The following KHDRBS3 variants were observed in gnomAD, a reference collection of about 807,000 sequenced individuals.
The protein encoded by KHDRBS3 is KH domain-containing, RNA-binding, signal transduction-associated protein 3.
Under a neutral mutation model 45.6 loss-of-function variants are expected in KHDRBS3, and 23 were observed. That is an observed-to-expected ratio of 0.50 (90% CI 0.36 to 0.72). KHDRBS3 has a LOEUF of 0.72. KHDRBS3 is among the 30% of genes least tolerant of loss of function. KHDRBS3 has a pLI of 0.00. For synonymous variants in KHDRBS3, 162 were observed against 156.5 expected (o/e 1.04, Z -0.26); for missense variants, 352 against 424.8 (o/e 0.83, Z 1.51).
intron 6 of KHDRBS3, among the ~76,000 whole-genome samples, chr8:135,602,407 T>C (rs1829257326): frequency 1.3e-5 from 2 of 152,154 alleles, no homozygotes; most frequent in Non-Finnish European, 2.9e-5. Flanking sequence ...AATTGCAAAT[T>C]TAATCTCTTA....
At position 135,480,871 on chromosome 8, in the gene KHDRBS3, TC is replaced by T. The variant is rs202096324; in HGVS notation, c.88+22918del. Reference sequence around the variant, plus strand: ...ATATGTCATCATATTGTTAACTGATTCTTCACTAATGAGCATTTCCAATTTG... The same window carrying T: ...ATATGTCATCATATTGTTAACTGATTTTCACTAATGAGCATTTCCAATTTG... On this transcript the variant is annotated intron_variant, in intron 1 of 8. Transcript: ENST00000355849. Among the ~76,000 whole-genome samples, 1,136 of 152,296 alleles carry T rather than the reference TC, an allele frequency of 7.5e-3. 13 individuals carry two copies. The highest frequency in any genetic ancestry group is 0.02 in the Middle Eastern group (6 of 294).
At chr8:135,518,131 G>A (rs934955652) in intron 1 of KHDRBS3, among the ~76,000 whole-genome samples, 1 of 152,088 alleles carries the variant, frequency 6.6e-6, no homozygotes, top group African/African-American at 2.4e-5. Context: ...TGTACATCTG[G>A]TGTGAGTTTT....
At chr8:135,646,969 T>C in intron 8 of KHDRBS3, 24 bp from the exon 9 acceptor site, 2 of 1,299,212 alleles carry the variant, frequency 1.5e-6, no homozygotes, top group African/African-American at 1.5e-5. Context: ...GTGATCTAAT[T>C]GTGATTCATC....
chr8:135,586,183 T>C (rs1480785476), intron 6 of KHDRBS3, among the ~76,000 whole-genome samples: 1 of 152,168 alleles, frequency 6.6e-6, no homozygotes, highest in African/African-American at 2.4e-5. Context: ...TACTATGATC[T>C]CTACTGTACA....
At chr8:135,505,880 G>A (rs940516157) in intron 1 of KHDRBS3, among the ~76,000 whole-genome samples, 6 of 151,918 alleles carry the variant, frequency 3.9e-5, no homozygotes, top group Admixed American at 6.6e-5. Flanking sequence ...CCATCACTCT[G>A]ATCTGCTGCC....
At chr8:135,508,226 T>C (rs1334456133) in intron 1 of KHDRBS3, among the ~76,000 whole-genome samples, 1 of 152,174 alleles carries the variant, frequency 6.6e-6, no homozygotes, top group Non-Finnish European at 1.5e-5. Context: ...ACAGAAAATA[T>C]TCGTTTTTTG....
chr8:135,492,466 T>C (rs1359688609), intron 1 of KHDRBS3, among the ~76,000 whole-genome samples: 1 of 151,358 alleles, frequency 6.6e-6, no homozygotes, highest in East Asian at 1.9e-4. Context: ...ACTTCCAAAT[T>C]AATCTGCATA....
chr8:135,647,758 T>A (rs1394403828), downstream of KHDRBS3: 1 of 152,210 alleles, frequency 6.6e-6, no homozygotes, highest in Non-Finnish European at 1.5e-5. Flanking sequence ...TTAAAAATGG[T>A]ATAAAATTAA....
intron 7 of KHDRBS3, among the ~76,000 whole-genome samples, chr8:135,621,571 G>A (rs1399464400): frequency 1.3e-5 from 2 of 152,122 alleles, no homozygotes; most frequent in Non-Finnish European, 2.9e-5. Flanking sequence ...TCTTCATCCT[G>A]TTTTGTTCAT....
intron 1 of KHDRBS3, among the ~76,000 whole-genome samples, chr8:135,511,089 C>G (rs965675808): frequency 1.3e-5 from 2 of 152,082 alleles, no homozygotes; most frequent in Non-Finnish European, 2.9e-5. Flanking sequence ...TTTTCTCACC[C>G]CAAATCAAGA....
chr8:135,553,557 G>C (rs1826721792), intron 4 of KHDRBS3, among the ~76,000 whole-genome samples: 1 of 152,054 alleles, frequency 6.6e-6, no homozygotes, highest in South Asian at 2.1e-4. Flanking sequence ...AATGAACATT[G>C]AGGTTACTTC....
At chr8:135,564,591 G>A (rs1224885099) in intron 5 of KHDRBS3, among the ~76,000 whole-genome samples, 4 of 152,032 alleles carry the variant, frequency 2.6e-5, no homozygotes, top group Non-Finnish European at 4.4e-5. Flanking sequence ...TTGGGGAAGC[G>A]TCTTTATGAT....
At chr8:135,495,255 C>G (rs1217936910) in intron 1 of KHDRBS3, among the ~76,000 whole-genome samples, 1 of 152,144 alleles carries the variant, frequency 6.6e-6, no homozygotes, top group East Asian at 1.9e-4. Flanking sequence ...TTTGGAGGGG[C>G]TTTAGAATTC....
intron 7 of KHDRBS3, chr8:135,626,075 A>C: frequency 5.7e-6 from 3 of 530,620 alleles, no homozygotes; most frequent in Non-Finnish European, 6.8e-6. Flanking sequence ...TGCTGAATAG[A>C]TTGTATGACA....
At chr8:135,474,677 A>T (rs1192653761) in intron 1 of KHDRBS3, among the ~76,000 whole-genome samples, 1 of 152,186 alleles carries the variant, frequency 6.6e-6, no homozygotes, top group Non-Finnish European at 1.5e-5. Context: ...GTAGGAAAAA[A>T]ATGCTTTTTC....
At chr8:135,631,871 TTA>T (rs1830618361) in intron 7 of KHDRBS3, among the ~76,000 whole-genome samples, 1 of 152,208 alleles carries the variant, frequency 6.6e-6, no homozygotes, top group South Asian at 2.1e-4. Flanking sequence ...TGCTAGACTT[TTA>T]TATGACCGGC....
chr8:135,570,579 T>A (rs1329010950), intron 5 of KHDRBS3, among the ~76,000 whole-genome samples: 1 of 152,244 alleles, frequency 6.6e-6, no homozygotes, highest in African/African-American at 2.4e-5. Context: ...ATGGAAATTT[T>A]AAATAAAAGA....
chr8:135,512,517 C>T (rs112361297), intron 1 of KHDRBS3, among the ~76,000 whole-genome samples: 18 of 147,174 alleles, frequency 1.2e-4, no homozygotes, highest in African/African-American at 4.1e-4. Flanking sequence ...CAGTTATTTT[C>T]TGACCCTTTT....
chr8:135,609,755 G>A (rs1047028390), intron 7 of KHDRBS3, among the ~76,000 whole-genome samples: 3 of 151,826 alleles, frequency 2.0e-5, no homozygotes, highest in South Asian at 2.1e-4. Flanking sequence ...TGACTGAGAC[G>A]TCGTTATGCA....
Sources: allele counts gnomAD v4.1 joint callset (sites outside exome capture counted in the v4.1 genomes callset), GRCh38; gene constraint gnomAD v4.1.1; transcripts MANE v1.5; gene names NCBI Gene and HGNC (gene_info 2026-07-23, HGNC 2026-07-21).